The following ZFHX3 variants were observed in gnomAD, a reference collection of about 807,000 sequenced individuals.
ZFHX3 encodes the protein zinc finger homeobox 3, also known as zinc finger homeobox protein 3.
ZFHX3 carries 42 observed loss-of-function variants against 279.1 expected under a neutral mutation model. The observed-to-expected ratio is 0.15, with a 90% CI of 0.12 to 0.19. The LOEUF (loss-of-function observed/expected upper bound fraction) is 0.19, where lower values mean the gene tolerates loss of function less well. Ranked by LOEUF, ZFHX3 falls within the 10% of genes least tolerant of loss-of-function variation. ZFHX3 has a pLI of 1.00. For synonymous variants in ZFHX3, 2,293 were observed against 1,957.8 expected (o/e 1.17, Z -4.52); for missense variants, 4,981 against 4,754.0 (o/e 1.05, Z -1.40).
At chr16:73,397,614 T>C (rs2017156089) in intron 3 of ZFHX3, among the ~76,000 whole-genome samples, 2 of 152,168 alleles carry the variant, frequency 1.3e-5, no homozygotes, top group South Asian at 4.2e-4. Context: ...AGTGGTTCAG[T>C]GAGCAGTGAT....
At chr16:73,528,830 C>T (rs748744525) in intron 2 of ZFHX3, among the ~76,000 whole-genome samples, 3 of 152,182 alleles carry the variant, frequency 2.0e-5, no homozygotes, top group Non-Finnish European at 2.9e-5. Context: ...ATGGGAATCA[C>T]ACACAGGACT....
chr16:73,292,244 A>T (rs1325093251), intron 4 of ZFHX3, among the ~76,000 whole-genome samples: 1 of 152,190 alleles, frequency 6.6e-6, no homozygotes, highest in Non-Finnish European at 1.5e-5. Context: ...CTTGGCTGTG[A>T]TTAGTGTCCT....
chr16:73,758,666 C>T (rs1159870829), intron 1 of ZFHX3, among the ~76,000 whole-genome samples: 1 of 152,198 alleles, frequency 6.6e-6, no homozygotes, highest in Non-Finnish European at 1.5e-5. Context: ...CTAACAGGGT[C>T]ACAGGGATGC....
rs2036453095 is a variant in ZFHX3 at position 72,811,680 on chromosome 16, C to T, written c.3761G>A (p.Cys1254Tyr). 1 of 1,613,912 alleles carries T rather than the reference C, an allele frequency of 6.2e-7. No homozygotes were observed. Among genetic ancestry groups the T allele is most frequent in the Non-Finnish European group, 8.5e-7 (1 of 1,179,998 alleles). The change falls in exon 7 of 10, where the codon TGC (cysteine) becomes TAC (tyrosine). Residue 1254 changes from cysteine (C) to tyrosine (Y), a missense_variant. Physicochemically the swap from Cys to Tyr is radical, Grantham distance 194 (BLOSUM62 -2). Coordinates refer to ENST00000268489, the MANE Select transcript of ZFHX3 (RefSeq NM_006885.4). ...GTTGAGCATGTCCTGGCACAGGGGG[C>T]AGCGAAGCATGGGTTGCACCGAGTG... The part of the protein sequence containing the change: ...TQHSVQPMLR[C>Y]PLCQDMLNNK...
chr16:73,555,316 G>C (rs566642600), intron 2 of ZFHX3, among the ~76,000 whole-genome samples: 3 of 151,694 alleles, frequency 2.0e-5, no homozygotes, highest in African/African-American at 4.8e-5. Flanking sequence ...CACCACACCC[G>C]GCTAATTTTT....
intron 1 of ZFHX3, among the ~76,000 whole-genome samples, chr16:73,861,313 G>T: frequency 6.6e-6 from 1 of 152,072 alleles, no homozygotes; most frequent in Non-Finnish European, 1.5e-5. Flanking sequence ...AATCAAAATT[G>T]TCTGCTTAAC....
At chr16:73,151,879 CAAA>C (rs58576284) in intron 5 of ZFHX3, among the ~76,000 whole-genome samples, 149 of 120,568 alleles carry the variant, frequency 1.2e-3, no homozygotes, top group Admixed American at 2.0e-3. Context: ...ATGCAAAAAA[CAAA>C]AAAAAAAAAA....
At chr16:73,268,235 T>A (rs1205984612) in intron 4 of ZFHX3, among the ~76,000 whole-genome samples, 1 of 152,218 alleles carries the variant, frequency 6.6e-6, no homozygotes, top group Non-Finnish European at 1.5e-5. Context: ...TGGTTTTGCT[T>A]GAGCACAATT....
chr16:73,573,472 A>G (rs2051762666), intron 2 of ZFHX3, among the ~76,000 whole-genome samples: 1 of 152,230 alleles, frequency 6.6e-6, no homozygotes, highest in South Asian at 2.1e-4. Flanking sequence ...GCAAAAAAAA[A>G]GAGGACGGAA....
intron 3 of ZFHX3, among the ~76,000 whole-genome samples, chr16:73,448,436 T>A (rs980594329): frequency 2.0e-5 from 3 of 152,054 alleles, no homozygotes; most frequent in African/African-American, 7.2e-5. Flanking sequence ...CGGACTAAAA[T>A]GTCATTATAG....
At chr16:73,711,978 G>C (rs2053367650) in intron 1 of ZFHX3, among the ~76,000 whole-genome samples, 1 of 152,238 alleles carries the variant, frequency 6.6e-6, no homozygotes, top group Non-Finnish European at 1.5e-5. Flanking sequence ...AGGCAGGAAA[G>C]AAGGGGAAGC....
At chr16:73,297,244 C>T (rs918666) in intron 4 of ZFHX3, among the ~76,000 whole-genome samples, 57,377 of 151,704 alleles carry the variant, frequency 0.38, 11,219 homozygotes, top group Middle Eastern at 0.49. Flanking sequence ...AAGTAATTGA[C>T]CAAGGTTGCC....
Position 72,795,601 on chromosome 16 carries a change from C to T in ZFHX3, c.7081G>A (p.Asp2361Asn). ...CYKDEDEEGQ[D>N]DSQNEDSMDA... ...ATGGAATCCTCATTTTGGCTGTCGT[C>T]CTGCCCCTCCTCATCCTCATCCTTG... The change falls in exon 9 of 10, where the codon GAC (aspartate) becomes AAC (asparagine). Residue 2361 changes from aspartate (D) to asparagine (N), a missense_variant. Coordinates refer to ENST00000268489, the MANE Select transcript of ZFHX3 (RefSeq NM_006885.4). 1.2e-6 allele frequency: 2 copies of T among 1,613,894 alleles called. No individual in the cohort carries two copies. The highest frequency in any genetic ancestry group is 1.7e-6 in the Non-Finnish European group (2 of 1,179,948).
chr16:73,219,914 C>T (rs1412822927), intron 5 of ZFHX3, among the ~76,000 whole-genome samples: 1 of 152,018 alleles, frequency 6.6e-6, no homozygotes, highest in Non-Finnish European at 1.5e-5. Flanking sequence ...GGTGAAACCC[C>T]GTCTCTACCA....
At chr16:73,346,752 G>A (rs570118298) in intron 3 of ZFHX3, among the ~76,000 whole-genome samples, 24 of 152,164 alleles carry the variant, frequency 1.6e-4, no homozygotes, top group Non-Finnish European at 3.1e-4. Flanking sequence ...GATTACAGGC[G>A]TGAGCCACTG....
At chr16:72,942,658 G>A (rs961187562) in intron 3 of ZFHX3, among the ~76,000 whole-genome samples, 22 of 152,206 alleles carry the variant, frequency 1.4e-4, no homozygotes, top group Middle Eastern at 3.4e-3. Context: ...GAAATATGTC[G>A]ACAGAGTCAT....
At chr16:73,303,578 T>C (rs1245683622) in intron 4 of ZFHX3, among the ~76,000 whole-genome samples, 1 of 152,182 alleles carries the variant, frequency 6.6e-6, no homozygotes, top group Non-Finnish European at 1.5e-5. Context: ...AAAGTCACTT[T>C]ATAACTGGAT....
chr16:73,408,490 C>T (rs970443898), intron 3 of ZFHX3, among the ~76,000 whole-genome samples: 5 of 152,158 alleles, frequency 3.3e-5, no homozygotes, highest in African/African-American at 9.7e-5. Context: ...CAGTGCAGTC[C>T]AGCCAAGAAA....
At chr16:73,719,979 C>A (rs77379029) in intron 1 of ZFHX3, among the ~76,000 whole-genome samples, 3,192 of 152,270 alleles carry the variant, frequency 0.021, 90 homozygotes, top group African/African-American at 0.072. Flanking sequence ...TACTTGTTAC[C>A]TACAAGCCAT....
Sources: allele counts gnomAD v4.1 joint callset (sites outside exome capture counted in the v4.1 genomes callset), GRCh38; gene constraint gnomAD v4.1.1; transcripts MANE v1.5; gene names NCBI Gene and HGNC (gene_info 2026-07-23, HGNC 2026-07-21).